Variants in POM121C observed in about 807,000 individuals in gnomAD.
POM121C encodes the protein nuclear envelope pore membrane protein POM 121C.
POM121C carries 20 observed loss-of-function variants against 66.4 expected under a neutral mutation model. The ratio of observed to expected loss-of-function variants is 0.30; its 90% confidence interval spans 0.21 to 0.44. The LOEUF (loss-of-function observed/expected upper bound fraction) is 0.44. Among genes scored for constraint, POM121C ranks in the 20% least tolerant of loss-of-function variants. The pLI is 1.00. For missense variants in POM121C, 580 were observed against 1,225.7 expected, an observed-to-expected ratio of 0.47 and a Z score of 7.87; for synonymous variants, 286 against 528.0, an observed-to-expected ratio of 0.54 and a Z score of 6.28.
chr7:75,449,813 C>T (rs587653808), intron 3 of POM121C, among the ~76,000 whole-genome samples: 3 of 151,928 alleles, frequency 2.0e-5, no homozygotes, highest in East Asian at 2.0e-4. Context: ...GTTAGGAGTT[C>T]GAGACCAGCC....
At chr7:75,455,819 C>T (rs1791191333) in intron 3 of POM121C, among the ~76,000 whole-genome samples, 1 of 152,176 alleles carries the variant, frequency 6.6e-6, no homozygotes, top group South Asian at 2.1e-4. Flanking sequence ...TCTATTTCTC[C>T]CACTCTGGCC....
At chr7:75,477,040 C>T (rs1792109773) in intron 1 of POM121C, among the ~76,000 whole-genome samples, 1 of 151,238 alleles carries the variant, frequency 6.6e-6, no homozygotes, top group Non-Finnish European at 1.5e-5. Flanking sequence ...CCCTAATATG[C>T]CATAGTACGT....
chr7:75,475,973 G>A (rs1792055922), intron 1 of POM121C, among the ~76,000 whole-genome samples: 1 of 151,936 alleles, frequency 6.6e-6, no homozygotes, highest in Admixed American at 6.6e-5. Context: ...CAAACATGAA[G>A]CAGCTTCAAT....
At chr7:75,441,227 C>T (rs1563145027) in intron 4 of POM121C, 112 bp from the exon 5 acceptor site, 1 of 1,506,928 alleles carries the variant, frequency 6.6e-7, no homozygotes, top group Admixed American at 2.0e-5. Flanking sequence ...ACACTCACAA[C>T]AGTTCCCCTT....
chr7:75,446,890 C>T (rs1339229293), intron 3 of POM121C, among the ~76,000 whole-genome samples: 2 of 147,406 alleles, frequency 1.4e-5, no homozygotes, highest in Non-Finnish European at 1.5e-5. Context: ...CGCCTGTAGT[C>T]CCAGCTACTC....
At chr7:75,482,009 G>C (rs587720679) in intron 1 of POM121C, among the ~76,000 whole-genome samples, 11 of 151,792 alleles carry the variant, frequency 7.2e-5, no homozygotes, top group Non-Finnish European at 1.5e-4. Flanking sequence ...CAAATGCCAC[G>C]TATGGTATAG....
At chr7:75,465,752 CAAAA>C (rs1172095677) in intron 3 of POM121C, among the ~76,000 whole-genome samples, 1 of 84,254 alleles carries the variant, frequency 1.2e-5, no homozygotes, top group Non-Finnish European at 2.4e-5. Context: ...GACTCCATCT[CAAAA>C]AAAAAAAAAA....
At chr7:75,463,243 G>A (rs1791507244) in intron 3 of POM121C, among the ~76,000 whole-genome samples, 1 of 152,078 alleles carries the variant, frequency 6.6e-6, no homozygotes. Flanking sequence ...TACTCAGGAT[G>A]CTCAGGCAGA....
At chr7:75,429,665 A>C (rs1790092238) in intron 7 of POM121C, among the ~76,000 whole-genome samples, 1 of 146,600 alleles carries the variant, frequency 6.8e-6, no homozygotes. Context: ...CCTAGAAATA[A>C]ATCTAATACA....
At chr7:75,442,340 T>C in intron 3 of POM121C, 1 of 1,410,980 alleles carries the variant, frequency 7.1e-7, no homozygotes, top group South Asian at 1.6e-5. Context: ...CTTGCCCAGG[T>C]AACTGCCCAT....
intron 3 of POM121C, among the ~76,000 whole-genome samples, chr7:75,472,219 T>G (rs1233673641): frequency 6.6e-6 from 1 of 151,512 alleles, no homozygotes; most frequent in African/African-American, 2.4e-5. Flanking sequence ...AATTTAAAAT[T>G]AAATGAAGGG....
intron 12 of POM121C, among the ~76,000 whole-genome samples, chr7:75,423,782 A>G (rs2116334507): frequency 6.6e-6 from 1 of 151,682 alleles, no homozygotes; most frequent in East Asian, 1.9e-4. Flanking sequence ...TGCACCGGGA[A>G]GATCATTCTC....
rs1792015618 is a variant in POM121C, at chr7:75,474,845, C to T, written c.-293G>A. 4 of 1,305,140 alleles carry T rather than the reference C, an allele frequency of 3.1e-6. No homozygotes were observed. The East Asian group carries it at 9.3e-5, about 30-fold the overall frequency. 80.8% of individuals were successfully genotyped at this position (1,305,140 alleles called of 1,614,324 possible). ...AGGACTTGGGCAAGTTGCTCGGCTT[C>T]AGAATCTCCGAAGTACAAGATGTTG... On this transcript the variant is annotated 5_prime_UTR_variant, in exon 3 of 15. The change abolishes the stop of an existing upstream ORF in the 5' untranslated region. Transcript: ENST00000615331.
chr7:75,453,814 A>C (rs1409677846), intron 3 of POM121C, among the ~76,000 whole-genome samples: 1 of 151,864 alleles, frequency 6.6e-6, no homozygotes, highest in Non-Finnish European at 1.5e-5. Flanking sequence ...AGGGGGCTGG[A>C]ATCATTTAGA....
rs1554473182 is a variant in POM121C at position 75,437,581 on chromosome 7, A to T, written c.414T>A (p.Ser138Arg). Residue 138 changes from serine (S) to arginine (R), a missense_variant, in exon 7 of 15, where the codon AGT (serine) becomes AGA (arginine). By Grantham distance (110) the Ser-to-Arg change is moderately radical. Coordinates refer to ENST00000615331, the MANE Select transcript of POM121C (RefSeq NM_001099415.3). ...SMSSLTGAYTSGIPSSSRNAI... is the reference protein window; with the variant it reads ...SMSSLTGAYTRGIPSSSRNAI... ...CATTGCGGCTGGAGCTAGGGATGCCACTTGTGTAAGCGCCTGTCAAGGAGC... is the reference window on the plus strand; with the variant it reads ...CATTGCGGCTGGAGCTAGGGATGCCTCTTGTGTAAGCGCCTGTCAAGGAGC... 2 of 1,613,952 alleles carry T rather than the reference A, an allele frequency of 1.2e-6. No individual in the cohort carries two copies. Among genetic ancestry groups the T allele is most frequent in the East Asian group, 4.5e-5 (2 of 44,882 alleles).
chr7:75,436,936 G>A (rs1433196808), intron 7 of POM121C, among the ~76,000 whole-genome samples: 1 of 152,108 alleles, frequency 6.6e-6, no homozygotes. Flanking sequence ...GCCAAGATTT[G>A]AATCTAAGTC....
intron 3 of POM121C, among the ~76,000 whole-genome samples, chr7:75,453,490 G>C (rs1791097617): frequency 6.6e-6 from 1 of 151,260 alleles, no homozygotes; most frequent in African/African-American, 2.4e-5. Context: ...GCTGAGGCAG[G>C]AGAATCGCTT....
At chr7:75,469,157 T>C (rs1180204156) in intron 3 of POM121C, among the ~76,000 whole-genome samples, 39 of 151,838 alleles carry the variant, frequency 2.6e-4, no homozygotes, top group Non-Finnish European at 2.9e-4. Context: ...TGGAGTGCAG[T>C]GGCGTGATCA....
intron 1 of POM121C, among the ~76,000 whole-genome samples, chr7:75,477,301 G>A (rs587750742): frequency 1.3e-5 from 2 of 152,298 alleles, no homozygotes; most frequent in Admixed American, 6.5e-5. Context: ...AAGTAAAAGT[G>A]CTTGGGCACG....
Sources: gnomAD v4.1 joint callset for allele counts (sites outside exome capture counted in the v4.1 genomes callset) on GRCh38, gnomAD v4.1.1 for gene constraint, MANE v1.5 for transcripts, NCBI Gene and HGNC (gene_info 2026-07-23, HGNC 2026-07-21) for gene names.